TRIM38: variants seen among roughly 807,000 people sequenced by gnomAD.
The protein encoded by TRIM38 is tripartite motif containing 38.
In TRIM38, 35 loss-of-function variants were observed where a neutral mutation model predicts 35.8. That is an observed-to-expected ratio of 0.98 (90% confidence interval 0.75 to 1.30). The LOEUF is 1.30. TRIM38 is among the 50% of genes most tolerant of loss of function. TRIM38 has a pLI of 0.00. For missense variants in TRIM38, 545 were observed against 556.9 expected, an observed-to-expected ratio of 0.98 and a Z score of 0.21; for synonymous variants, 198 against 204.7, an observed-to-expected ratio of 0.97 and a Z score of 0.28.
At chr6:25,974,469 A>G (rs1043670252) in intron 7 of TRIM38, among the ~76,000 whole-genome samples, 4 of 152,214 alleles carry the variant, frequency 2.6e-5, no homozygotes, top group Non-Finnish European at 4.4e-5. Flanking sequence ...CATCTTTGCC[A>G]TATCCTATTG....
At chr6:25,968,743 C>A (rs1380970916) in intron 3 of TRIM38, among the ~76,000 whole-genome samples, 3 of 152,184 alleles carry the variant, frequency 2.0e-5, no homozygotes, top group African/African-American at 4.8e-5. Context: ...GACATGAATA[C>A]TAAATCATTT....
chr6:25,983,119 T>G (rs749054512), intron 7 of TRIM38, 45 bp from the exon 8 acceptor site: 8 of 1,523,136 alleles, frequency 5.3e-6, no homozygotes, highest in Non-Finnish European at 7.0e-6. Context: ...CCTGTGTTCT[T>G]CACAGCAACA....
In TRIM38 at chr6:25,967,533, T is replaced by G. The variant is rs975915183; in HGVS notation, c.411+600T>G. ...CACTCTGGTACCTCTACTTTTTTTT[T>G]TTTTTTTTTTTTTTTTTCCTGAGGT... On this transcript the variant is annotated intron_variant, in intron 3 of 7. Transcript: ENST00000357085. Among the ~76,000 whole-genome samples, 12 of 61,976 alleles carry G rather than the reference T, an allele frequency of 1.9e-4. No individual in the cohort carries two copies. In the East Asian group the frequency reaches 6.2e-3, roughly 32 times the overall value. The allele number at this position is 61,976 out of a possible 152,430, so 40.7% of individuals were successfully genotyped here.
At chr6:25,967,541 T>A (rs2113582620) in intron 3 of TRIM38, among the ~76,000 whole-genome samples, 1 of 72,968 alleles carries the variant, frequency 1.4e-5, no homozygotes, top group South Asian at 4.7e-4. Context: ...TTTTTTTTTT[T>A]TTTTTTTTTC....
At chr6:25,970,207 C>T (rs988862168) in intron 4 of TRIM38, among the ~76,000 whole-genome samples, 20 of 152,284 alleles carry the variant, frequency 1.3e-4, no homozygotes, top group Middle Eastern at 6.8e-3. Flanking sequence ...TGAGCCACTG[C>T]ACCCGGCCTA....
At chr6:25,982,639 C>G (rs558105894) in intron 7 of TRIM38, among the ~76,000 whole-genome samples, 3 of 152,326 alleles carry the variant, frequency 2.0e-5, no homozygotes, top group Admixed American at 6.5e-5. Context: ...CAAACATAAG[C>G]TTATTCAATC....
intron 4 of TRIM38, among the ~76,000 whole-genome samples, chr6:25,971,131 C>CT (rs1321549708): frequency 6.6e-6 from 1 of 152,218 alleles, no homozygotes; most frequent in Non-Finnish European, 1.5e-5. Flanking sequence ...ACTCAGAAAT[C>CT]TAACTTCTTA....
intron 7 of TRIM38, among the ~76,000 whole-genome samples, chr6:25,979,856 C>G (rs1760497197): frequency 6.6e-6 from 1 of 151,954 alleles, no homozygotes. Flanking sequence ...TAAAATTCTG[C>G]TTTAGCTTCA....
Position 25,985,399 on chromosome 6 carries a change from C to A in TRIM38, c.*1712C>A, listed in dbSNP as rs573121630. On this transcript the variant is annotated 3_prime_UTR_variant, in exon 8 of 8. Coordinates refer to ENST00000357085, the MANE Select transcript of TRIM38 (RefSeq NM_006355.5). ...TTCCTTGTCACTTAAAAAATGTATTCTTTTCTTAAAATGCTATATAAGCCC... is the reference window on the plus strand; with the variant it reads ...TTCCTTGTCACTTAAAAAATGTATTATTTTCTTAAAATGCTATATAAGCCC... 2 of 151,068 alleles carry A rather than the reference C, an allele frequency of 1.3e-5. No individual in the cohort carries two copies. The highest frequency in any genetic ancestry group is 4.9e-5 in the African/African-American group (2 of 41,090). 9.4% of individuals were successfully genotyped at this position (151,068 alleles called of 1,614,324 possible).
intron 2 of TRIM38, among the ~76,000 whole-genome samples, chr6:25,964,257 T>C (rs1046846133): frequency 9.9e-5 from 15 of 152,132 alleles, no homozygotes; most frequent in African/African-American, 3.4e-4. Flanking sequence ...TATGCATATG[T>C]ATGTATGTAT....
Position 25,990,713 on chromosome 6 carries a change from A to G in TRIM38, c.*7026A>G, listed in dbSNP as rs1760812985. On this transcript the variant is annotated 3_prime_UTR_variant, in exon 8 of 8. Transcript: ENST00000357085. ...AATAGGTTTTATTAAATAATTAAATAAAAATGAAAATAATCAGTATTTCAA... is the reference window on the plus strand; with the variant it reads ...AATAGGTTTTATTAAATAATTAAATGAAAATGAAAATAATCAGTATTTCAA... The G allele has an allele frequency of 6.6e-6, 1 of 151,790 alleles. No homozygotes were observed. Among genetic ancestry groups the G allele is most frequent in the South Asian group, 2.1e-4 (1 of 4,832 alleles). The allele number at this position is 151,790 out of a possible 1,614,324, so 9.4% of individuals were successfully genotyped here. A position where few individuals can be genotyped will look rare whatever the true frequency, so the allele number is the denominator to read the frequency against.
intron 7 of TRIM38, chr6:25,975,668 C>T: frequency 2.0e-6 from 2 of 976,530 alleles, no homozygotes; most frequent in African/African-American, 1.8e-5. Flanking sequence ...TCCAATCTGA[C>T]TTCTCTAGGT....
At chr6:25,976,467 C>T (rs1187739801) in intron 7 of TRIM38, among the ~76,000 whole-genome samples, 1 of 152,136 alleles carries the variant, frequency 6.6e-6, no homozygotes, top group East Asian at 1.9e-4. Context: ...AACACTATCT[C>T]TTTATTTTGT....
chr6:25,973,971 C>A, intron 7 of TRIM38: 1 of 716,174 alleles, frequency 1.4e-6, no homozygotes, highest in Non-Finnish European at 1.7e-6. Flanking sequence ...CATTTGGCTA[C>A]AAAAATCTGG....
chr6:25,977,737 G>A (rs552925322), intron 7 of TRIM38, among the ~76,000 whole-genome samples: 2 of 152,002 alleles, frequency 1.3e-5, no homozygotes, highest in African/African-American at 4.8e-5. Context: ...GGAAGAGAAA[G>A]AAGAAGAAAG....
intron 7 of TRIM38, chr6:25,973,976 A>G (rs13196552): frequency 0.12 from 79,288 of 660,130 alleles, 4,869 homozygotes; most frequent in African/African-American, 0.13. Context: ...GGCTACAAAA[A>G]TCTGGCCTAA....
intron 7 of TRIM38, among the ~76,000 whole-genome samples, chr6:25,981,489 T>C (rs1341189874): frequency 6.6e-6 from 1 of 152,252 alleles, no homozygotes; most frequent in Non-Finnish European, 1.5e-5. Context: ...TTAACTCTCT[T>C]GTTAGAACAT....
At position 25,983,290 on chromosome 6, in the gene TRIM38, CCT is replaced by C. The variant is rs775079947; in HGVS notation, c.1002_1003del (p.Val336LeufsTer4). 1.2e-6 allele frequency: 2 copies of C among 1,614,110 alleles called. No individual in the cohort carries two copies. Among genetic ancestry groups the C allele is most frequent in the South Asian group, 1.1e-5 (1 of 91,080 alleles). On this transcript the variant is annotated frameshift_variant, in exon 8 of 8. Transcript: ENST00000357085. LOFTEE classifies it low-confidence loss of function (END_TRUNC). Reference sequence around the variant, plus strand: ...TCTTCCAGGAGATTTACTGCCTTCCCCTGTGTCTTGGGTTGTGAAGGCTTCAC... The same window carrying C: ...TCTTCCAGGAGATTTACTGCCTTCCCGTGTCTTGGGTTGTGAAGGCTTCAC...
chr6:25,983,936 C>T lies in TRIM38; in HGVS notation c.*249C>T, dbSNP rs1174271489. 13 of 395,392 alleles carry T rather than the reference C, an allele frequency of 3.3e-5. No individual in the cohort carries two copies. The highest frequency in any genetic ancestry group is 5.9e-5 in the Non-Finnish European group (13 of 221,722). The allele number at this position is 395,392 out of a possible 1,614,324, so 24.5% of individuals were successfully genotyped here. A position where few individuals can be genotyped will look rare whatever the true frequency, so the allele number is the denominator to read the frequency against. ...ATGATCGTATGTTGCTGTCTCCATC[C>T]GTCTTTAATGGGTCAGGGCTTTGAT... On this transcript the variant is annotated 3_prime_UTR_variant, in exon 8 of 8. Coordinates refer to ENST00000357085, the MANE Select transcript of TRIM38 (RefSeq NM_006355.5).
Sources: gnomAD v4.1 joint callset for allele counts (sites outside exome capture counted in the v4.1 genomes callset) on GRCh38, gnomAD v4.1.1 for gene constraint, MANE v1.5 for transcripts, NCBI Gene and HGNC (gene_info 2026-07-23, HGNC 2026-07-21) for gene names.